The following LRRC7 variants were observed in gnomAD, a reference collection of about 807,000 sequenced individuals.
The protein encoded by LRRC7 is leucine rich repeat containing 7.
In LRRC7, 23 loss-of-function variants were observed where a neutral mutation model predicts 175.7. The ratio of observed to expected loss-of-function variants is 0.13; its 90% CI spans 0.09 to 0.19. The LOEUF (loss-of-function observed/expected upper bound fraction) is 0.19. Ranked by LOEUF, LRRC7 falls within the 10% of genes least tolerant of loss-of-function variation. The pLI is 1.00. For synonymous variants in LRRC7, 685 were observed against 680.9 expected, an observed-to-expected ratio of 1.01 and a Z score of -0.09; for missense variants, 1,354 against 1,904.7, an observed-to-expected ratio of 0.71 and a Z score of 5.38.
intron 1 of LRRC7, among the ~76,000 whole-genome samples, chr1:69,609,180 C>T (rs1648293289): frequency 6.6e-6 from 1 of 151,550 alleles, no homozygotes. Flanking sequence ...TGACCTTGGG[C>T]TAATTTGTTT....
chr1:69,678,690 A>G (rs1228892531), intron 2 of LRRC7, among the ~76,000 whole-genome samples: 1 of 152,150 alleles, frequency 6.6e-6, no homozygotes, highest in East Asian at 1.9e-4. Flanking sequence ...GTACTTCAAG[A>G]TGTTCTACTG....
At chr1:69,939,721 C>T (rs1164351788) in intron 8 of LRRC7, among the ~76,000 whole-genome samples, 1 of 152,096 alleles carries the variant, frequency 6.6e-6, no homozygotes, top group East Asian at 1.9e-4. Flanking sequence ...GAAAGTTTTC[C>T]TTGCACCTAG....
chr1:70,012,841 A>T (rs1557986053), intron 12 of LRRC7, 133 bp from the exon 13 acceptor site: 2 of 366,596 alleles, frequency 5.5e-6, no homozygotes, highest in African/African-American at 4.4e-5. Flanking sequence ...GCTACATTAT[A>T]AAAACAAAAC....
intron 1 of LRRC7, among the ~76,000 whole-genome samples, chr1:69,612,789 C>CTA (rs1648981996): frequency 6.6e-6 from 1 of 151,600 alleles, no homozygotes; most frequent in South Asian, 2.1e-4. Context: ...TTTTACAATT[C>CTA]TATATTCAAT....
At chr1:69,593,363 AT>A (rs1285412224) in intron 1 of LRRC7, among the ~76,000 whole-genome samples, 13 of 152,000 alleles carry the variant, frequency 8.6e-5, no homozygotes, top group African/African-American at 2.4e-4. Context: ...CATGCTTTGT[AT>A]TTTTTTTATT....
intron 2 of LRRC7, among the ~76,000 whole-genome samples, chr1:69,739,392 C>T (rs1280186047): frequency 1.3e-5 from 2 of 152,006 alleles, no homozygotes; most frequent in Admixed American, 6.6e-5. Context: ...CCCCTGTAAG[C>T]CCAGGAATGT....
chr1:70,072,165 C>A (rs992795151), intron 23 of LRRC7, among the ~76,000 whole-genome samples: 1 of 152,158 alleles, frequency 6.6e-6, no homozygotes, highest in African/African-American at 2.4e-5. Flanking sequence ...TTTTTACAAC[C>A]AACCTCCCCT....
At chr1:69,864,009 G>A (rs1684638943) in intron 7 of LRRC7, among the ~76,000 whole-genome samples, 1 of 151,986 alleles carries the variant, frequency 6.6e-6, no homozygotes, top group African/African-American at 2.4e-5. Context: ...CTTTGTATAT[G>A]TCATTCCTTC....
chr1:69,990,983 C>T (rs1175739801), intron 10 of LRRC7, among the ~76,000 whole-genome samples: 1 of 151,954 alleles, frequency 6.6e-6, no homozygotes, highest in South Asian at 2.1e-4. Flanking sequence ...AGCAAGTTCC[C>T]AATTCTACAA....
chr1:69,665,361 A>G (rs1207457598), intron 1 of LRRC7, among the ~76,000 whole-genome samples: 1 of 152,102 alleles, frequency 6.6e-6, no homozygotes, highest in East Asian at 1.9e-4. Context: ...GTATTTTGAT[A>G]AGGATTGCCT....
rs1341249313 is a variant in LRRC7 at position 70,036,549 on chromosome 1, C to A, written c.2213C>A (p.Ser738Tyr). ...CCTTCCCAGGCTTCCTCAGGATCCTCTAATACCCGGGTTAAAGTGGGGTCC... is the reference window on the plus strand; with the variant it reads ...CCTTCCCAGGCTTCCTCAGGATCCTATAATACCCGGGTTAAAGTGGGGTCC... ...YSPSQASSGS[S>Y]NTRVKVGSLQ... Residue 738 changes from serine (S) to tyrosine (Y), a missense_variant, in exon 20 of 27, where the codon TCT becomes TAT. Transcript: ENST00000651989. 1 of 1,614,086 alleles carries A rather than the reference C, an allele frequency of 6.2e-7. No homozygotes were observed. The highest frequency in any genetic ancestry group is 2.2e-5 in the East Asian group (1 of 44,860).
intron 11 of LRRC7, among the ~76,000 whole-genome samples, chr1:69,998,856 G>C (rs1490736060): frequency 2.0e-5 from 3 of 152,160 alleles, no homozygotes; most frequent in Admixed American, 6.5e-5. Context: ...TCCCAGGTGA[G>C]GACCTCCCAG....
intron 5 of LRRC7, among the ~76,000 whole-genome samples, chr1:69,830,575 T>C (rs527493850): frequency 6.6e-6 from 1 of 151,974 alleles, no homozygotes; most frequent in Admixed American, 6.6e-5. Flanking sequence ...TTCCCAGGAA[T>C]AGAAAATTTC....
chr1:70,079,966 A>C (rs1663088666), intron 24 of LRRC7, among the ~76,000 whole-genome samples: 1 of 152,232 alleles, frequency 6.6e-6, no homozygotes, highest in African/African-American at 2.4e-5. Context: ...TAATTTATGG[A>C]AAGTGTAATT....
intron 11 of LRRC7, among the ~76,000 whole-genome samples, chr1:70,003,949 G>A (rs1395874325): frequency 6.6e-6 from 1 of 152,060 alleles, no homozygotes; most frequent in East Asian, 1.9e-4. Context: ...ACATTTGGAT[G>A]ATATTTTTCT....
intron 2 of LRRC7, among the ~76,000 whole-genome samples, chr1:69,680,222 T>C (rs1173928817): frequency 2.0e-5 from 3 of 152,120 alleles, no homozygotes; most frequent in African/African-American, 7.2e-5. Context: ...GTGACCTGTA[T>C]TTTAAGAAGC....
intron 2 of LRRC7, among the ~76,000 whole-genome samples, chr1:69,699,494 T>A (rs1663064296): frequency 6.6e-6 from 1 of 151,592 alleles, no homozygotes; most frequent in Non-Finnish European, 1.5e-5. Context: ...GAGCCAAGAT[T>A]GTGCCACTGT....
At position 69,782,013 on chromosome 1, in the gene LRRC7, G is replaced by T. The variant is rs117555783; in HGVS notation, c.304-10030G>T. 8.7e-4 allele frequency among the ~76,000 whole-genome samples: 133 copies of T among 152,198 alleles called. 2 individuals are homozygous for T. The East Asian group carries it at 0.023, about 26-fold the overall frequency. ...TTTGTACCCACACAGAACTGATTTT[G>T]AATCTTAGCTCTGGCACTTGCTAGC... On this transcript the variant is annotated intron_variant, in intron 3 of 26. Coordinates refer to ENST00000651989, the MANE Select transcript of LRRC7 (RefSeq NM_001370785.2).
intron 7 of LRRC7, among the ~76,000 whole-genome samples, chr1:69,882,360 A>G (rs913456012): frequency 6.6e-6 from 1 of 152,198 alleles, no homozygotes; most frequent in Non-Finnish European, 1.5e-5. Flanking sequence ...CCTTCTGTAT[A>G]TATTATAACC....
Sources: allele counts gnomAD v4.1 joint callset (sites outside exome capture counted in the v4.1 genomes callset), GRCh38; gene constraint gnomAD v4.1.1; transcripts MANE v1.5; gene names NCBI Gene and HGNC (gene_info 2026-07-23, HGNC 2026-07-21).